Variants in DHX8 observed in about 807,000 individuals in gnomAD.
The protein encoded by DHX8 is ATP-dependent RNA helicase DHX8.
DHX8 carries 67 observed loss-of-function variants against 140.7 expected under a neutral mutation model. The observed-to-expected ratio is 0.48, with a 90% confidence interval of 0.39 to 0.58. The LOEUF (loss-of-function observed/expected upper bound fraction) is 0.58. Ranked by LOEUF, DHX8 falls within the 20% of genes least tolerant of loss-of-function variation. The pLI, the probability that DHX8 is intolerant of heterozygous loss-of-function variation, is 0.00. For synonymous variants in DHX8, 533 were observed against 553.2 expected, an observed-to-expected ratio of 0.96 and a Z score of 0.51; for missense variants, 887 against 1,550.7, an observed-to-expected ratio of 0.57 and a Z score of 7.19.
chr17:43,521,715 T>A, intron 21 of DHX8, 150 bp downstream of exon 21: 1 of 772,278 alleles, frequency 1.3e-6, no homozygotes, highest in Non-Finnish European at 2.1e-6. Context: ...ATCTTTGTTA[T>A]ATTCCTTCTC....
At position 43,489,486 on chromosome 17, in the gene DHX8, C is replaced by G. The variant is rs905817958; in HGVS notation, c.186C>G (p.Thr62=). The G allele has an allele frequency of 4.3e-6, 7 of 1,610,702 alleles. No homozygotes were observed. The highest frequency in any genetic ancestry group is 5.9e-6 in the Non-Finnish European group (7 of 1,179,460). ...FVISLAEKNT[T]FDTFKASLVK... is the part of the protein sequence containing the mutation. ...TCAGTCTTGCTGAGAAAAATACCACCTTTGATACTTTTAAGGCTTCTCTCG... is the reference window on the plus strand; with the variant it reads ...TCAGTCTTGCTGAGAAAAATACCACGTTTGATACTTTTAAGGCTTCTCTCG... Residue 62 remains threonine (T), a synonymous_variant, in exon 2 of 23, where the codon ACC becomes ACG. Transcript: ENST00000262415.
rs1316407209 is a variant in DHX8 at position 43,483,988 on chromosome 17, T to C, written c.-50T>C. 1.2e-6 allele frequency: 2 copies of C among 1,606,028 alleles called. No homozygotes were observed. The highest frequency in any genetic ancestry group is 2.2e-5 in the East Asian group (1 of 44,720). On this transcript the variant is annotated 5_prime_UTR_variant, in exon 1 of 23. Transcript: ENST00000262415. ...AGTGAAAGCTGGAACCCGGCCGGAG[T>C]AGCTCTGAGCGCCGGCTGTGAGGAA...
chr17:43,533,458 T>G, intron 2 of DHX8: 1 of 1,052,076 alleles, frequency 9.5e-7, no homozygotes, highest in Non-Finnish European at 1.4e-6. Context: ...GAAGGAAGGA[T>G]AGAGGGGGCT....
At chr17:43,484,465 TAAC>T (rs1362094391) in intron 1 of DHX8, among the ~76,000 whole-genome samples, 2 of 152,108 alleles carry the variant, frequency 1.3e-5, no homozygotes, top group Admixed American at 6.5e-5. Flanking sequence ...TAAACATGTT[TAAC>T]AACAACAGCA....
At chr17:43,514,988 T>G (rs752558033) in intron 17 of DHX8, among the ~76,000 whole-genome samples, 1 of 152,182 alleles carries the variant, frequency 6.6e-6, no homozygotes, top group African/African-American at 2.4e-5. Context: ...GAGTGAGCTG[T>G]GCCCAAGATT....
At chr17:43,529,856 C>T (rs1009546223), downstream of DHX8, 2 of 1,612,690 alleles carry the variant, frequency 1.2e-6, no homozygotes, top group East Asian at 4.5e-5. Flanking sequence ...AAGACCTTGA[C>T]CCTCCCATCA....
Position 43,503,620 on chromosome 17 carries a change from G to A in DHX8, c.1547-1024G>A, listed in dbSNP as rs551712191. Among the ~76,000 whole-genome samples the A allele has an allele frequency of 1.1e-4, 16 of 152,140 alleles. No individual in the cohort carries two copies. In the East Asian group the frequency reaches 2.1e-3, roughly 20 times the overall value. ...GTGGAGGTTGCTGAGCTGAGATCTC[G>A]CCACTGCACTCCAGCCTGCTGGGCG... On this transcript the variant is annotated intron_variant, in intron 11 of 22. Transcript: ENST00000262415.
intron 1 of DHX8, among the ~76,000 whole-genome samples, chr17:43,487,590 G>A (rs1968242538): frequency 6.6e-6 from 1 of 152,172 alleles, no homozygotes; most frequent in Non-Finnish European, 1.5e-5. Context: ...CTGGGCTCGA[G>A]CAATCTGCCC....
intron 3 of DHX8, among the ~76,000 whole-genome samples, chr17:43,537,670 TG>T (rs1971315460): frequency 6.6e-6 from 1 of 151,328 alleles, no homozygotes; most frequent in Admixed American, 6.6e-5. Flanking sequence ...CACTCCAGCC[TG>T]GGTGACAAAG....
At chr17:43,511,069 C>T (rs1458785837) in intron 16 of DHX8, among the ~76,000 whole-genome samples, 4 of 152,188 alleles carry the variant, frequency 2.6e-5, no homozygotes, top group African/African-American at 7.2e-5. Context: ...GTGGCTCACA[C>T]CTGTAATTTC....
At chr17:43,533,141 A>G (rs1461761010) in intron 2 of DHX8, 2 of 1,600,290 alleles carry the variant, frequency 1.2e-6, no homozygotes, top group Non-Finnish European at 1.7e-6. Flanking sequence ...TCAGGAATTG[A>G]AAAAACACCT....
At chr17:43,526,443 G>A, downstream of DHX8, 1 of 1,534,168 alleles carries the variant, frequency 6.5e-7, no homozygotes, top group Non-Finnish European at 8.7e-7. Context: ...CCTCGGTCCA[G>A]GTTTACTTCA....
chr17:43,518,554 C>G (rs1970225128), intron 18 of DHX8: 1 of 151,252 alleles, frequency 6.6e-6, no homozygotes, highest in Admixed American at 6.6e-5. Context: ...ATGCAAGAGA[C>G]AGGACAAGTT....
chr17:43,513,181 A>G (rs112511061), intron 16 of DHX8, among the ~76,000 whole-genome samples, 181 bp from the exon 17 acceptor site: 1 of 152,136 alleles, frequency 6.6e-6, no homozygotes, highest in Admixed American at 6.5e-5. Context: ...CTTAACCATT[A>G]AGCAGAAGGT....
intron 1 of DHX8, among the ~76,000 whole-genome samples, chr17:43,485,101 T>C (rs1242101603): frequency 2.0e-5 from 3 of 152,154 alleles, no homozygotes; most frequent in South Asian, 4.1e-4. Context: ...GGGCAACCAA[T>C]GGATGGATTG....
chr17:43,543,887 C>T (rs1295330986), intron 3 of DHX8: 1 of 152,176 alleles, frequency 6.6e-6, no homozygotes, highest in Non-Finnish European at 1.5e-5. Context: ...GACCTAGTCT[C>T]ACTCCAAGGA....
At chr17:43,501,734 C>T (rs374292386) in intron 11 of DHX8, among the ~76,000 whole-genome samples, 2 of 151,476 alleles carry the variant, frequency 1.3e-5, no homozygotes, top group African/African-American at 2.4e-5. Flanking sequence ...ATCCCCCCCC[C>T]ATCTCAGCCT....
downstream of DHX8, chr17:43,530,319 T>C: frequency 6.7e-7 from 1 of 1,482,948 alleles, no homozygotes; most frequent in Non-Finnish European, 9.0e-7. Flanking sequence ...CCAGGTTGCC[T>C]GCCAACCACA....
At chr17:43,536,403 T>TCTC (rs1971245307) in intron 2 of DHX8, 1 of 1,610,176 alleles carries the variant, frequency 6.2e-7, no homozygotes, top group Non-Finnish European at 8.5e-7. Context: ...CCCTATACCC[T>TCTC]CTCCCCAGGG....
Sources: allele counts gnomAD v4.1 joint callset (sites outside exome capture counted in the v4.1 genomes callset), GRCh38; gene constraint gnomAD v4.1.1; transcripts MANE v1.5; gene names NCBI Gene and HGNC (gene_info 2026-07-23, HGNC 2026-07-21).